CAMK1D: variants seen among roughly 807,000 people sequenced by gnomAD.
CAMK1D encodes calcium/calmodulin dependent protein kinase ID.
CAMK1D carries 9 observed loss-of-function variants against 47.7 expected under a neutral mutation model. The ratio of observed to expected loss-of-function variants is 0.19; its 90% CI spans 0.11 to 0.33. The LOEUF (loss-of-function observed/expected upper bound fraction) is 0.33. Among genes scored for constraint, CAMK1D ranks in the 10% least tolerant of loss-of-function variants. The pLI is 1.00. For missense variants in CAMK1D, 291 were observed against 488.7 expected (o/e 0.60, Z 3.81); for synonymous variants, 184 against 184.9 (o/e 0.99, Z 0.04).
chr10:12,777,197 G>A (rs1388637715), intron 5 of CAMK1D, among the ~76,000 whole-genome samples: 2 of 152,066 alleles, frequency 1.3e-5, no homozygotes, highest in African/African-American at 4.8e-5. Flanking sequence ...GGACAAGCTG[G>A]ATCCCGCAGA....
At chr10:12,819,992 A>G (rs2493748) in intron 8 of CAMK1D, among the ~76,000 whole-genome samples, 2 of 151,720 alleles carry the variant, frequency 1.3e-5, no homozygotes, top group Admixed American at 1.3e-4. Context: ...ACTCGGGGGA[A>G]GATTGTGCTA....
chr10:12,352,960 A>G (rs1837397003), intron 1 of CAMK1D, among the ~76,000 whole-genome samples: 3 of 151,962 alleles, frequency 2.0e-5, no homozygotes, highest in Admixed American at 6.6e-5. Context: ...GATGGTCTCG[A>G]TCTCCTGACC....
intron 1 of CAMK1D, among the ~76,000 whole-genome samples, chr10:12,482,543 A>G (rs1419125959): frequency 6.6e-6 from 1 of 152,224 alleles, no homozygotes; most frequent in African/African-American, 2.4e-5. Context: ...CTTGGGAGCC[A>G]GATTCAGAGG....
At chr10:12,469,551 G>A (rs764618378) in intron 1 of CAMK1D, among the ~76,000 whole-genome samples, 5 of 152,066 alleles carry the variant, frequency 3.3e-5, no homozygotes, top group African/African-American at 4.8e-5. Flanking sequence ...CCTTCCCCAG[G>A]AATGACTAAT....
At chr10:12,553,437 C>A (rs1836655079) in intron 2 of CAMK1D, 81 bp downstream of exon 2, 2 of 1,243,400 alleles carry the variant, frequency 1.6e-6, no homozygotes, top group Non-Finnish European at 2.3e-6. Context: ...CGGAGGCAGA[C>A]TTTCCCCGGG....
intron 1 of CAMK1D, among the ~76,000 whole-genome samples, chr10:12,355,715 T>G (rs1837490543): frequency 6.6e-6 from 1 of 152,156 alleles, no homozygotes. Context: ...GATTCCCCAG[T>G]CCTCTTGTTT....
chr10:12,737,479 C>T (rs7068984), intron 3 of CAMK1D, among the ~76,000 whole-genome samples: 17,000 of 152,134 alleles, frequency 0.11, 1,244 homozygotes, highest in Admixed American at 0.18. Context: ...TCTCGTATTC[C>T]CCAGACCCCT....
At chr10:12,684,880 G>A (rs1032010493) in intron 3 of CAMK1D, among the ~76,000 whole-genome samples, 6 of 152,058 alleles carry the variant, frequency 3.9e-5, no homozygotes, top group African/African-American at 1.4e-4. Flanking sequence ...CATTTATCCA[G>A]GGTGGTTCAT....
chr10:12,651,280 A>G (rs1451161071), intron 2 of CAMK1D, among the ~76,000 whole-genome samples: 1 of 152,222 alleles, frequency 6.6e-6, no homozygotes, highest in Non-Finnish European at 1.5e-5. Context: ...AACTGGGCTT[A>G]AGGAAGGTGG....
intron 2 of CAMK1D, among the ~76,000 whole-genome samples, chr10:12,627,248 AT>A (rs1380273253): frequency 2.6e-5 from 4 of 151,554 alleles, no homozygotes; most frequent in African/African-American, 9.7e-5. Flanking sequence ...CGCCCAGCTA[AT>A]TTTTTTGTAT....
chr10:12,812,436 C>T (rs1018307285), intron 6 of CAMK1D, among the ~76,000 whole-genome samples: 6 of 151,938 alleles, frequency 3.9e-5, no homozygotes, highest in East Asian at 1.9e-4. Context: ...GCCAACATGG[C>T]GAAACTCCAT....
chr10:12,751,415 C>T (rs183533599), intron 3 of CAMK1D, among the ~76,000 whole-genome samples: 11 of 152,270 alleles, frequency 7.2e-5, no homozygotes, highest in African/African-American at 2.2e-4. Context: ...CCCCGCTTGG[C>T]CATCATCTTT....
intron 6 of CAMK1D, among the ~76,000 whole-genome samples, chr10:12,802,741 T>C (rs555563344): frequency 1.3e-5 from 2 of 152,272 alleles, no homozygotes; most frequent in East Asian, 1.9e-4. Flanking sequence ...AGGCTGGTCT[T>C]GAACTACTGA....
At position 12,663,969 on chromosome 10, in the gene CAMK1D, C is replaced by T. The variant is rs572435473; in HGVS notation, c.225-2767C>T. ...GAACAGCTCCAAGTTAATTAAACCACTTTTCTTAAGAGACATTAAGAGGCC... is the reference window on the plus strand; with the variant it reads ...GAACAGCTCCAAGTTAATTAAACCATTTTTCTTAAGAGACATTAAGAGGCC... On this transcript the variant is annotated intron_variant, in intron 2 of 10. Coordinates refer to ENST00000619168, the MANE Select transcript of CAMK1D (RefSeq NM_153498.4). 1.4e-4 allele frequency among the ~76,000 whole-genome samples: 22 copies of T among 152,220 alleles called. 1 individual carries two copies. In the South Asian group the frequency reaches 3.1e-3, roughly 22 times the overall value.
intron 5 of CAMK1D, among the ~76,000 whole-genome samples, chr10:12,787,149 A>C (rs576359198): frequency 8.5e-5 from 13 of 152,146 alleles, no homozygotes; most frequent in African/African-American, 2.9e-4. Flanking sequence ...AAGAAGAAGA[A>C]GAAGAAGAAG....
In CAMK1D at chr10:12,397,164, A is replaced by C. The variant is rs559933728; in HGVS notation, c.92+47254A>C. ...GATTTTTCTATGAGCTTTGGTGCCC[A>C]GTTAAGATTATTTTTGGATCTCGTC... On this transcript the variant is annotated intron_variant, in intron 1 of 10. Transcript: ENST00000619168. Among the ~76,000 whole-genome samples, 28 of 152,290 alleles carry C rather than the reference A, an allele frequency of 1.8e-4. No homozygotes were observed. In the South Asian group the frequency reaches 5.8e-3, roughly 32 times the overall value.
chr10:12,791,697 A>G (rs991199542), intron 6 of CAMK1D, among the ~76,000 whole-genome samples: 3 of 152,204 alleles, frequency 2.0e-5, no homozygotes, highest in Non-Finnish European at 2.9e-5. Context: ...TTGTGTGGAT[A>G]GACCATGTTT....
intron 1 of CAMK1D, among the ~76,000 whole-genome samples, chr10:12,547,171 C>T (rs1191113317): frequency 1.3e-5 from 2 of 152,070 alleles, no homozygotes; most frequent in South Asian, 2.1e-4. Context: ...AAGGAGAGAA[C>T]GATGCTGTAG....
intron 2 of CAMK1D, among the ~76,000 whole-genome samples, chr10:12,578,260 G>A (rs2132331437): frequency 6.6e-6 from 1 of 151,986 alleles, no homozygotes; most frequent in African/African-American, 2.4e-5. Flanking sequence ...AAAATGTTTT[G>A]TAGGGCTGGG....
Sources: gnomAD v4.1 joint callset for allele counts (sites outside exome capture counted in the v4.1 genomes callset) on GRCh38, gnomAD v4.1.1 for gene constraint, MANE v1.5 for transcripts, NCBI Gene and HGNC (gene_info 2026-07-23, HGNC 2026-07-21) for gene names.